Variants in STX8 observed in about 807,000 individuals in gnomAD.
STX8 encodes syntaxin 8.
A neutral mutation model predicts 37.5 loss-of-function variants in STX8; 23 were observed. The observed-to-expected ratio is 0.61, with a 90% CI of 0.44 to 0.87. The LOEUF is 0.87. Among genes scored for constraint, STX8 ranks in the 40% least tolerant of loss-of-function variants. The pLI is 0.00. For missense variants in STX8, 313 were observed against 284.7 expected (o/e 1.10, Z -0.71); for synonymous variants, 115 against 99.1 (o/e 1.16, Z -0.95).
At chr17:9,536,087 TGA>T (rs1896415611) in intron 4 of STX8, among the ~76,000 whole-genome samples, 1 of 152,206 alleles carries the variant, frequency 6.6e-6, no homozygotes, top group African/African-American at 2.4e-5. Context: ...CAAAAATTAT[TGA>T]GAGTAATTAC....
intron 7 of STX8, among the ~76,000 whole-genome samples, chr17:9,269,287 A>G (rs966874759): frequency 2.0e-5 from 3 of 152,092 alleles, no homozygotes; most frequent in African/African-American, 7.2e-5. Context: ...TTCTGAGGAT[A>G]AGGTGATTGG....
Position 9,350,742 on chromosome 17 carries a change from A to T in STX8, c.643+27810T>A, listed in dbSNP as rs918116202. ...GAGACAGGGCTTCACCATGTTGGCCAGGCTGGTCTCGAATGCCTGACCTCG... is the reference window on the plus strand; with the variant it reads ...GAGACAGGGCTTCACCATGTTGGCCTGGCTGGTCTCGAATGCCTGACCTCG... On this transcript the variant is annotated intron_variant, in intron 7 of 7. Coordinates refer to ENST00000306357, the MANE Select transcript of STX8 (RefSeq NM_004853.3). Among the ~76,000 whole-genome samples, 6 of 152,152 alleles carry T rather than the reference A, an allele frequency of 3.9e-5. No individual in the cohort carries two copies. In the East Asian group the frequency reaches 1.2e-3, roughly 29 times the overall value.
intron 2 of STX8, among the ~76,000 whole-genome samples, chr17:9,566,407 C>T (rs577391959): frequency 2.6e-5 from 4 of 152,314 alleles, no homozygotes; most frequent in Admixed American, 6.5e-5. Flanking sequence ...AATTCCTCAA[C>T]GTACTAAAAA....
At chr17:9,363,988 G>A (rs1455654895) in intron 7 of STX8, among the ~76,000 whole-genome samples, 1 of 152,166 alleles carries the variant, frequency 6.6e-6, no homozygotes, top group African/African-American at 2.4e-5. Context: ...TGAACTTACT[G>A]CTCCTATTCC....
At chr17:9,339,070 C>CAAAAAAAAAAAAAAAAAAAAAAAAAAAA (rs34987749) in intron 7 of STX8, among the ~76,000 whole-genome samples, 7 of 70,020 alleles carry the variant, frequency 1.0e-4, no homozygotes, top group African/African-American at 4.5e-4. Flanking sequence ...GACTCCGTCT[C>CAAAAAAAAAAAAAAAAAAAAAAAAAAAA]AAAAAAAAAA....
At chr17:9,332,872 C>T (rs978036656) in intron 7 of STX8, among the ~76,000 whole-genome samples, 4 of 152,128 alleles carry the variant, frequency 2.6e-5, no homozygotes, top group African/African-American at 7.2e-5. Context: ...GCACCCAAGA[C>T]GTATTTGCCT....
At chr17:9,523,574 G>A (rs2037257823) in intron 4 of STX8, among the ~76,000 whole-genome samples, 1 of 152,124 alleles carries the variant, frequency 6.6e-6, no homozygotes, top group African/African-American at 2.4e-5. Context: ...TAAATCCGTT[G>A]AGTGTCCAGT....
chr17:9,356,960 G>GTTTTTT (rs140965935), intron 7 of STX8, among the ~76,000 whole-genome samples: 13 of 61,748 alleles, frequency 2.1e-4, no homozygotes, highest in African/African-American at 8.1e-4. Context: ...CCTTTTAACA[G>GTTTTTT]TTTTTTTTTT....
chr17:9,513,991 A>G (rs369043468), intron 4 of STX8, among the ~76,000 whole-genome samples: 1 of 152,228 alleles, frequency 6.6e-6, no homozygotes, highest in East Asian at 1.9e-4. Flanking sequence ...TCATAGAAGT[A>G]AAAAGTAGAA....
rs574657359 is a variant in STX8 at position 9,271,477 on chromosome 17, C to T, written c.644-20832G>A. Among the ~76,000 whole-genome samples the T allele has an allele frequency of 6.2e-4, 94 of 151,880 alleles. 2 individuals carry two copies. In the Middle Eastern group the frequency reaches 0.048, roughly 78 times the overall value. On this transcript the variant is annotated intron_variant, in intron 7 of 7. Coordinates refer to ENST00000306357, the MANE Select transcript of STX8 (RefSeq NM_004853.3). ...CAAAAAAGAAAGAAATGCGGCCGGGCGTGGTGGCTCACGCCTGTAATCCCA... is the reference window on the plus strand; with the variant it reads ...CAAAAAAGAAAGAAATGCGGCCGGGTGTGGTGGCTCACGCCTGTAATCCCA...
intron 7 of STX8, among the ~76,000 whole-genome samples, chr17:9,365,555 G>T (rs1006375938): frequency 6.6e-6 from 1 of 152,266 alleles, no homozygotes; most frequent in South Asian, 2.1e-4. Context: ...TTCAAGTGAG[G>T]TTTGGGTCTG....
chr17:9,453,922 G>A (rs1210923323), intron 6 of STX8, among the ~76,000 whole-genome samples: 3 of 152,168 alleles, frequency 2.0e-5, no homozygotes, highest in Non-Finnish European at 4.4e-5. Context: ...TCTGGATGGG[G>A]AAGCATGGAT....
At chr17:9,469,161 G>T (rs1051727338) in intron 6 of STX8, 3 of 152,268 alleles carry the variant, frequency 2.0e-5, no homozygotes, top group Non-Finnish European at 2.9e-5. Context: ...GTGGTCATTT[G>T]CGTGGTTCCA....
intron 7 of STX8, among the ~76,000 whole-genome samples, chr17:9,377,054 C>G (rs1911617155): frequency 6.6e-6 from 1 of 152,050 alleles, no homozygotes; most frequent in South Asian, 2.1e-4. Context: ...GCTCCACTAC[C>G]TCTGAGCTTG....
chr17:9,394,522 G>A (rs1057081774), intron 6 of STX8, among the ~76,000 whole-genome samples: 3 of 151,440 alleles, frequency 2.0e-5, no homozygotes, highest in Non-Finnish European at 2.9e-5. Flanking sequence ...CCGCCACCAT[G>A]CCCAGCTAAC....
intron 4 of STX8, among the ~76,000 whole-genome samples, chr17:9,511,760 A>G (rs1597717410): frequency 6.6e-6 from 1 of 152,328 alleles, no homozygotes; most frequent in South Asian, 2.1e-4. Flanking sequence ...AGAGAAAGTA[A>G]TAAATGGCAT....
intron 7 of STX8, among the ~76,000 whole-genome samples, chr17:9,335,390 T>C (rs1597611270): frequency 6.6e-6 from 1 of 152,350 alleles, no homozygotes; most frequent in East Asian, 1.9e-4. Flanking sequence ...AGTAACCCAC[T>C]TGGTGATAAC....
At chr17:9,378,689 A>G (rs1249967667) in intron 6 of STX8, 36 bp from the exon 7 acceptor site, 1 of 1,500,698 alleles carries the variant, frequency 6.7e-7, no homozygotes, top group South Asian at 1.1e-5. Flanking sequence ...TATTCCTGAA[A>G]TACCCCGGTT....
At position 9,563,821 on chromosome 17, in the gene STX8, C is replaced by A. The variant is rs139464698; in HGVS notation, c.117+4550G>T. On this transcript the variant is annotated intron_variant, in intron 2 of 7. Coordinates refer to ENST00000306357, the MANE Select transcript of STX8 (RefSeq NM_004853.3). ...AACATAAGACAGAAAAAAAAAGAATCAATTATTGCAAAAGTCCTCAAAAAA... is the reference window on the plus strand; with the variant it reads ...AACATAAGACAGAAAAAAAAAGAATAAATTATTGCAAAAGTCCTCAAAAAA... 5.4e-4 allele frequency among the ~76,000 whole-genome samples: 82 copies of A among 151,890 alleles called. No homozygotes were observed. The East Asian group carries it at 0.01, about 19-fold the overall frequency.
Sources: gnomAD v4.1 joint callset for allele counts (sites outside exome capture counted in the v4.1 genomes callset) on GRCh38, gnomAD v4.1.1 for gene constraint, MANE v1.5 for transcripts, NCBI Gene and HGNC (gene_info 2026-07-23, HGNC 2026-07-21) for gene names.